TMEM63A: variants seen among roughly 807,000 people sequenced by gnomAD.
TMEM63A encodes the protein transmembrane protein 63A.
TMEM63A carries 76 observed loss-of-function variants against 100.6 expected under a neutral mutation model. The ratio of observed to expected loss-of-function variants is 0.76; its 90% CI spans 0.63 to 0.91. The LOEUF (loss-of-function observed/expected upper bound fraction) is 0.91. Among genes scored for constraint, TMEM63A ranks in the 40% least tolerant of loss-of-function variants. The pLI is 0.00. For missense variants in TMEM63A, 876 were observed against 1,008.8 expected, an observed-to-expected ratio of 0.87 and a Z score of 1.78; for synonymous variants, 401 against 401.1, an observed-to-expected ratio of 1.00 and a Z score of 0.00.
chr1:225,850,870 C>T (rs1669293089), intron 20 of TMEM63A, among the ~76,000 whole-genome samples: 1 of 152,120 alleles, frequency 6.6e-6, no homozygotes, highest in Admixed American at 6.5e-5. Context: ...TGACACCATG[C>T]CCGGCTAATT....
At chr1:225,866,549 T>A in intron 9 of TMEM63A, 25 bp downstream of exon 9, 1 of 1,606,140 alleles carries the variant, frequency 6.2e-7, no homozygotes, top group Non-Finnish European at 8.5e-7. Flanking sequence ...TCCCAGCACA[T>A]GTCCCTAAGT....
At position 225,862,539 on chromosome 1, in the gene TMEM63A, C is replaced by T. The variant is rs1396994020; in HGVS notation, c.867G>A (p.Leu289=). ...TEKSLTYYTN[L]QVKTGQRTLI... ...GGGTCCGCTGGCCTGTCTTCACCTG[C>T]AGGTTTGTGTAATAGGTCAGGCTCT... The change falls in exon 12 of 25, where the codon CTG becomes CTA. Residue 289 remains leucine (L), a synonymous_variant. Coordinates refer to ENST00000366835, the MANE Select transcript of TMEM63A (RefSeq NM_014698.3). This position sits in a 1 kb window ranked among gnomAD's most constrained non-coding sequence, Gnocchi z 5.1. 10 of 1,613,978 alleles carry T rather than the reference C, an allele frequency of 6.2e-6. No homozygotes were observed. The highest frequency in any genetic ancestry group is 2.2e-5 in the East Asian group (1 of 44,886).
At chr1:225,872,730 G>A (rs1173885888) in intron 4 of TMEM63A, among the ~76,000 whole-genome samples, 4 of 122,130 alleles carry the variant, frequency 3.3e-5, no homozygotes, top group Non-Finnish European at 6.4e-5. Flanking sequence ...GTCTGGCTCT[G>A]TCACCCAAGC....
chr1:225,844,265 G>A (rs1276260806), downstream of TMEM63A, among the ~76,000 whole-genome samples: 1 of 152,028 alleles, frequency 6.6e-6, no homozygotes, highest in South Asian at 2.1e-4. Flanking sequence ...GAGGCAAGGT[G>A]GGTGGGGGGA....
intron 6 of TMEM63A, among the ~76,000 whole-genome samples, chr1:225,869,580 T>C (rs2102634456): frequency 6.6e-6 from 1 of 152,224 alleles, no homozygotes; most frequent in Middle Eastern, 3.4e-3. Flanking sequence ...GCCCAGAACA[T>C]TTCATCCTTA....
At chr1:225,847,873 G>A (rs1415462497) in intron 23 of TMEM63A, among the ~76,000 whole-genome samples, 1 of 152,210 alleles carries the variant, frequency 6.6e-6, no homozygotes, top group African/African-American at 2.4e-5. Flanking sequence ...CTGCAGATGA[G>A]GTCGGCTCTG....
Position 225,862,514 on chromosome 1 carries a change from G to A in TMEM63A, c.892C>T (p.Leu298Phe), listed in dbSNP as rs972141860. The change falls in exon 12 of 25, where the codon CTC (leucine) becomes TTC (phenylalanine). Residue 298 changes from leucine to phenylalanine, a missense_variant. Leu to Phe is a conservative substitution (Grantham distance 22, BLOSUM62 0). Coordinates refer to ENST00000366835, the MANE Select transcript of TMEM63A (RefSeq NM_014698.3). This position sits in a 1 kb window ranked among gnomAD's most constrained non-coding sequence, Gnocchi z 5.1. ...TGGCCACAGGGCTTGGGGTTGATGA[G>A]GGTCCGCTGGCCTGTCTTCACCTGC... ...NLQVKTGQRT[L>F]INPKPCGQFC... 9 of 1,614,042 alleles carry A rather than the reference G, an allele frequency of 5.6e-6. No individual in the cohort carries two copies. Among genetic ancestry groups the A allele is most frequent in the African/African-American group, 5.3e-5 (4 of 74,936 alleles).
At chr1:225,856,810 T>C in intron 16 of TMEM63A, 72 bp from the exon 17 acceptor site, 2 of 1,583,300 alleles carry the variant, frequency 1.3e-6, no homozygotes, top group Middle Eastern at 1.7e-4. Context: ...GCCCCTGCCA[T>C]GTGCCCACTG....
intron 14 of TMEM63A, chr1:225,860,045 G>A (rs1464727339): frequency 1.0e-4 from 16 of 153,248 alleles, no homozygotes; most frequent in Non-Finnish European, 2.0e-4. Flanking sequence ...AGGAAGGCAG[G>A]GACAAAGGAG....
intron 22 of TMEM63A, 142 bp downstream of exon 22, chr1:225,848,755 C>A (rs1401938997): frequency 1.2e-6 from 1 of 837,772 alleles, no homozygotes. Context: ...CAACCACCCA[C>A]GCCTTTCCCA....
intron 15 of TMEM63A, 110 bp from the exon 16 acceptor site, chr1:225,857,127 G>GTCA: frequency 1.1e-6 from 1 of 933,480 alleles, no homozygotes; most frequent in Non-Finnish European, 1.5e-6. Context: ...GTAGGAGTTT[G>GTCA]TCATCTCTGA....
chr1:225,847,294 A>G lies in TMEM63A; in HGVS notation c.2251-81T>C, dbSNP rs1163965039. The G allele has an allele frequency of 2.4e-5, 37 of 1,524,016 alleles. 1 individual carries two copies. The East Asian group carries it at 4.8e-4, about 20-fold the overall frequency. 94.4% of individuals were successfully genotyped at this position (1,524,016 alleles called of 1,614,324 possible). Reference sequence around the variant, plus strand: ...TCCCTCCCCTCCTGCCCTTCTCCCAACAGGACACAGACAGTGGCCATAAAG... The same window carrying G: ...TCCCTCCCCTCCTGCCCTTCTCCCAGCAGGACACAGACAGTGGCCATAAAG... On this transcript the variant is annotated intron_variant, in intron 23 of 24. Transcript: ENST00000366835.
At chr1:225,880,706 C>G (rs1671046595) in intron 1 of TMEM63A, among the ~76,000 whole-genome samples, 1 of 152,190 alleles carries the variant, frequency 6.6e-6, no homozygotes, top group African/African-American at 2.4e-5. Context: ...TTCACGCTCC[C>G]AACCCAAAGT....
intron 15 of TMEM63A, among the ~76,000 whole-genome samples, chr1:225,858,372 C>T (rs936872696): frequency 6.6e-5 from 9 of 137,334 alleles, no homozygotes; most frequent in Admixed American, 2.4e-4. Flanking sequence ...GTCGCCCAGG[C>T]TGGAGTGCAG....
chr1:225,843,935 C>G (rs894804494), downstream of TMEM63A, among the ~76,000 whole-genome samples: 1 of 152,076 alleles, frequency 6.6e-6, no homozygotes, highest in African/African-American at 2.4e-5. Flanking sequence ...GCTAGAGATT[C>G]AGGGTTTGAG....
chr1:225,866,017 C>T (rs763867831), intron 9 of TMEM63A, 50 bp from the exon 10 acceptor site: 11 of 1,595,142 alleles, frequency 6.9e-6, no homozygotes, highest in African/African-American at 2.7e-5. Context: ...GCCAGTGTGC[C>T]GGTATGCTCA....
chr1:225,844,483 G>A, downstream of TMEM63A: 3 of 1,614,116 alleles, frequency 1.9e-6, no homozygotes, highest in South Asian at 2.2e-5. Flanking sequence ...GGGGCTTTGT[G>A]TTCTGCGTTC....
chr1:225,870,643 T>C (rs923878723), intron 6 of TMEM63A, among the ~76,000 whole-genome samples: 2 of 152,262 alleles, frequency 1.3e-5, no homozygotes, highest in African/African-American at 4.8e-5. Flanking sequence ...AGAGCGTCCA[T>C]TGACATCTAA....
In TMEM63A at chr1:225,862,112, A is replaced by G; in HGVS notation, c.1085+106T>C. On this transcript the variant is annotated intron_variant, in intron 13 of 24. Coordinates refer to ENST00000366835, the MANE Select transcript of TMEM63A (RefSeq NM_014698.3). The surrounding 1 kb of genome is among the most constrained non-coding windows in gnomAD (Gnocchi z 5.1). Reference sequence around the variant, plus strand: ...GAAGGAAACACCACAGATAAATCCCAGGGATGGTGGGTCAGCAGTACCATC... The same window carrying G: ...GAAGGAAACACCACAGATAAATCCCGGGGATGGTGGGTCAGCAGTACCATC... 6.7e-7 allele frequency: 1 copy of G among 1,495,234 alleles called. No homozygotes were observed. The highest frequency in any genetic ancestry group is 9.0e-7 in the Non-Finnish European group (1 of 1,105,326). The allele number at this position is 1,495,234 out of a possible 1,614,324, so 92.6% of individuals were successfully genotyped here.
Sources: allele counts gnomAD v4.1 joint callset (sites outside exome capture counted in the v4.1 genomes callset), GRCh38; gene constraint gnomAD v4.1.1; non-coding constraint Gnocchi (gnomAD v3.1); transcripts MANE v1.5; gene names NCBI Gene and HGNC (gene_info 2026-07-23, HGNC 2026-07-21).